PSMA8: variants seen among roughly 807,000 people sequenced by gnomAD.
PSMA8 encodes proteasome 20S subunit alpha 8, also known as proteasome subunit alpha-type 8.
In PSMA8, 18 loss-of-function variants were observed where a neutral mutation model predicts 32.4. The ratio of observed to expected loss-of-function variants is 0.56; its 90% confidence interval spans 0.38 to 0.82. The LOEUF is 0.82. PSMA8 is among the 40% of genes least tolerant of loss of function. The pLI is 0.00. For synonymous variants in PSMA8, 104 were observed against 98.1 expected, an observed-to-expected ratio of 1.06 and a Z score of -0.36; for missense variants, 298 against 300.7, an observed-to-expected ratio of 0.99 and a Z score of 0.07.
intron 6 of PSMA8, among the ~76,000 whole-genome samples, chr18:26,181,714 A>G (rs2055312640): frequency 6.6e-6 from 1 of 152,230 alleles, no homozygotes; most frequent in Admixed American, 6.5e-5. Flanking sequence ...CAGCCAGGCC[A>G]GGCGTGGTGG....
intron 4 of PSMA8, among the ~76,000 whole-genome samples, chr18:26,174,894 C>G (rs2055252009): frequency 6.6e-6 from 1 of 152,146 alleles, no homozygotes; most frequent in Non-Finnish European, 1.5e-5. Context: ...TAGTAGTCCC[C>G]AAGATTACTT....
chr18:26,175,965 G>A (rs1331373345), intron 4 of PSMA8, among the ~76,000 whole-genome samples: 1 of 152,150 alleles, frequency 6.6e-6, no homozygotes, highest in Non-Finnish European at 1.5e-5. Context: ...ACATTTTTCA[G>A]TAGTCACATT....
At chr18:26,170,839 GA>G in intron 4 of PSMA8, 2 of 1,558,822 alleles carry the variant, frequency 1.3e-6, no homozygotes, top group South Asian at 1.1e-5. Context: ...TCAATTTCTG[GA>G]AAAAACGTGT....
chr18:26,192,042 G>A (rs925754214), intron 6 of PSMA8, among the ~76,000 whole-genome samples: 2 of 152,160 alleles, frequency 1.3e-5, no homozygotes, highest in African/African-American at 4.8e-5. Context: ...AAATGTTTTT[G>A]GAGTTATATG....
intron 4 of PSMA8, among the ~76,000 whole-genome samples, chr18:26,165,819 G>A (rs1483087219): frequency 6.6e-6 from 1 of 152,188 alleles, no homozygotes; most frequent in East Asian, 1.9e-4. Context: ...ACTACGGCCA[G>A]GCGTGGTGGC....
At position 26,171,554 on chromosome 18, in the gene PSMA8, C is replaced by T. The variant is rs181729102; in HGVS notation, c.478-7276C>T. 5.6e-3 allele frequency among the ~76,000 whole-genome samples: 853 copies of T among 152,084 alleles called. 13 individuals are homozygous for T. Among genetic ancestry groups the T allele is most frequent in the African/African-American group, 0.02 (818 of 41,498 alleles). ...TTTGAGACCAGCCTGGCCAACATGGCGAAACCCCGTCTCTACTAAAAATAC... is the reference window on the plus strand; with the variant it reads ...TTTGAGACCAGCCTGGCCAACATGGTGAAACCCCGTCTCTACTAAAAATAC... On this transcript the variant is annotated intron_variant, in intron 4 of 6. Coordinates refer to ENST00000415576, the MANE Select transcript of PSMA8 (RefSeq NM_001025096.2).
intron 1 of PSMA8, among the ~76,000 whole-genome samples, chr18:26,142,185 G>A (rs939419055): frequency 2.0e-5 from 3 of 151,630 alleles, no homozygotes; most frequent in East Asian, 1.9e-4. Flanking sequence ...GACTACAGGC[G>A]CCCGCCACCA....
At chr18:26,138,112 T>C (rs1456240996) in intron 1 of PSMA8, among the ~76,000 whole-genome samples, 1 of 152,210 alleles carries the variant, frequency 6.6e-6, no homozygotes, top group African/African-American at 2.4e-5. Flanking sequence ...TAAGTGAGGA[T>C]ATACTGAATG....
Position 26,169,000 on chromosome 18 carries a change from C to T in PSMA8, c.478-9830C>T, listed in dbSNP as rs1482367658. 6.2e-5 allele frequency among the ~76,000 whole-genome samples: 8 copies of T among 128,884 alleles called. 2 individuals carry two copies. The highest frequency in any genetic ancestry group is 4.5e-4 in the East Asian group (2 of 4,400). The allele number at this position is 128,884 out of a possible 152,430, so 84.6% of individuals were successfully genotyped here. On this transcript the variant is annotated intron_variant, in intron 4 of 6. Transcript: ENST00000415576. ...GTTCCATTGTTTTCAGATTCCTTTT[C>T]GAGACAAGGTCTCTTCTGTCACCCC...
chr18:26,154,185 A>G (rs956647933), intron 3 of PSMA8, among the ~76,000 whole-genome samples: 2 of 152,336 alleles, frequency 1.3e-5, no homozygotes, highest in South Asian at 4.1e-4. Context: ...TACAGGCATG[A>G]GCCACTGCGC....
chr18:26,134,767 C>G lies in PSMA8; in HGVS notation c.102+700C>G, dbSNP rs542327922. On this transcript the variant is annotated intron_variant, in intron 1 of 6. Coordinates refer to ENST00000415576, the MANE Select transcript of PSMA8 (RefSeq NM_001025096.2). ...GTCGGGAGTTTGAGACCAGCCTGAC[C>G]AACATGGAGAAACTCCGTCTCTACT... Among the ~76,000 whole-genome samples the G allele has an allele frequency of 1.5e-3, 227 of 152,212 alleles. 1 individual carries two copies. The highest frequency in any genetic ancestry group is 5.4e-3 in the African/African-American group (224 of 41,532).
intron 4 of PSMA8, among the ~76,000 whole-genome samples, chr18:26,178,023 G>C (rs2055277498): frequency 6.6e-6 from 1 of 152,062 alleles, no homozygotes; most frequent in South Asian, 2.1e-4. Flanking sequence ...AGACCCACCT[G>C]GGCAACATAG....
At chr18:26,174,921 G>C (rs928613487) in intron 4 of PSMA8, among the ~76,000 whole-genome samples, 1 of 152,184 alleles carries the variant, frequency 6.6e-6, no homozygotes, top group African/African-American at 2.4e-5. Flanking sequence ...AGAGCCCTTT[G>C]ATCATAAATC....
chr18:26,149,458 T>C lies in PSMA8; in HGVS notation c.230-2400T>C, dbSNP rs114602797. Among the ~76,000 whole-genome samples, 1,472 of 152,300 alleles carry C rather than the reference T, an allele frequency of 9.7e-3. 23 individuals carry two copies. The highest frequency in any genetic ancestry group is 0.034 in the African/African-American group (1,393 of 41,566). On this transcript the variant is annotated intron_variant, in intron 2 of 6. Transcript: ENST00000415576. ...AAATAAAAAAGAATTATGACATTCATATGGAATGACAAAACAATTTTGAAA... is the reference window on the plus strand; with the variant it reads ...AAATAAAAAAGAATTATGACATTCACATGGAATGACAAAACAATTTTGAAA...
intron 1 of PSMA8, among the ~76,000 whole-genome samples, chr18:26,140,589 T>C (rs780206690): frequency 3.9e-5 from 6 of 152,236 alleles, no homozygotes; most frequent in Non-Finnish European, 7.3e-5. Context: ...GGGAAACTCC[T>C]ATTCTGCCAT....
intron 1 of PSMA8, among the ~76,000 whole-genome samples, chr18:26,143,796 A>G (rs2054978992): frequency 6.6e-6 from 1 of 151,870 alleles, no homozygotes; most frequent in South Asian, 2.1e-4. Context: ...ATCTCTGCTT[A>G]CTGCAAGCTC....
chr18:26,175,191 C>G (rs1009560898), intron 4 of PSMA8, among the ~76,000 whole-genome samples: 3 of 152,188 alleles, frequency 2.0e-5, no homozygotes, highest in African/African-American at 7.2e-5. Context: ...TGAAGATTTA[C>G]TCTGGAAGTT....
intron 6 of PSMA8, among the ~76,000 whole-genome samples, chr18:26,182,577 G>C (rs2055320370): frequency 6.6e-6 from 1 of 152,196 alleles, no homozygotes; most frequent in Non-Finnish European, 1.5e-5. Context: ...AGCTCCGATG[G>C]ACATGTACAA....
At chr18:26,150,340 CTT>C (rs1358588841) in intron 2 of PSMA8, among the ~76,000 whole-genome samples, 6 of 143,812 alleles carry the variant, frequency 4.2e-5, no homozygotes, top group Admixed American at 1.4e-4. Context: ...AATTTGATTC[CTT>C]TTTTTTTTTT....
Sources: gnomAD v4.1 joint callset for allele counts (sites outside exome capture counted in the v4.1 genomes callset) on GRCh38, gnomAD v4.1.1 for gene constraint, MANE v1.5 for transcripts, NCBI Gene and HGNC (gene_info 2026-07-23, HGNC 2026-07-21) for gene names.